NPLOC4: variants seen among roughly 807,000 people sequenced by gnomAD.
The protein encoded by NPLOC4 is NPL4 homolog, ubiquitin recognition factor, also known as nuclear protein localization protein 4 homolog.
In NPLOC4, 18 loss-of-function variants were observed where a neutral mutation model predicts 80.6. The observed-to-expected ratio is 0.22, with a 90% CI of 0.15 to 0.33. The LOEUF (loss-of-function observed/expected upper bound fraction) is 0.33. Ranked by LOEUF, NPLOC4 falls within the 10% of genes least tolerant of loss-of-function variation. NPLOC4 has a pLI of 1.00. For synonymous variants in NPLOC4, 313 were observed against 301.5 expected, an observed-to-expected ratio of 1.04 and a Z score of -0.39; for missense variants, 540 against 786.1, an observed-to-expected ratio of 0.69 and a Z score of 3.74.
rs1164029184 is a variant in NPLOC4, at chr17:81,572,172, T to TTTAA, written c.1282-88_1282-85dup. The TTTAA allele has an allele frequency of 1.5e-3, 860 of 590,060 alleles. No homozygotes were observed. The highest frequency in any genetic ancestry group is 8.5e-3 in the Middle Eastern group (26 of 3,066). 36.6% of individuals were successfully genotyped at this position (590,060 alleles called of 1,614,324 possible). ...TTTCACATGCTTGTCTCACCTTTTA[T>TTTAA]TTAATTAATTAATTTATTTATTTAT... is the stretch of plus-strand genomic sequence containing the variant. On this transcript the variant is annotated intron_variant, in intron 12 of 16. Coordinates refer to ENST00000331134, the MANE Select transcript of NPLOC4 (RefSeq NM_017921.4). This position sits in a 1 kb window ranked among gnomAD's most constrained non-coding sequence, Gnocchi z 4.5.
chr17:81,629,251 G>A (rs1171146231), intron 2 of NPLOC4, among the ~76,000 whole-genome samples: 1 of 142,156 alleles, frequency 7.0e-6, no homozygotes, highest in African/African-American at 2.7e-5. Flanking sequence ...GGAGTGCAGT[G>A]GCACCACCTC....
In NPLOC4 at chr17:81,559,430, G is replaced by A. The variant is rs1489696399; in HGVS notation, c.1670-14C>T. 3 of 1,605,248 alleles carry A rather than the reference G, an allele frequency of 1.9e-6. No homozygotes were observed. The highest frequency in any genetic ancestry group is 2.6e-6 in the Non-Finnish European group (3 of 1,175,936). ...CGCCAACTGTGCCTGCAGGGTGGAA[G>A]AGAAATGAGCACTCATCATTTCTGG... On this transcript the variant is annotated splice_polypyrimidine_tract_variant and intron_variant, in intron 16 of 16. Coordinates refer to ENST00000331134, the MANE Select transcript of NPLOC4 (RefSeq NM_017921.4).
At chr17:81,588,841 G>A (rs1242617902) in intron 12 of NPLOC4, 103 bp downstream of exon 12, 1 of 999,806 alleles carries the variant, frequency 1.0e-6, no homozygotes, top group Non-Finnish European at 1.5e-6. Flanking sequence ...AACCACAGCT[G>A]ACAAACGGCT....
At position 81,572,134 on chromosome 17, in the gene NPLOC4, G is replaced by A; in HGVS notation, c.1282-46C>T. ...CAGCGGTGAGCAAAGACGATCAGTA[G>A]TAATGATTTTCCTTTCACATGCTTG... On this transcript the variant is annotated intron_variant, in intron 12 of 16. Coordinates refer to ENST00000331134, the MANE Select transcript of NPLOC4 (RefSeq NM_017921.4). This position sits in a 1 kb window ranked among gnomAD's most constrained non-coding sequence, Gnocchi z 4.5. The A allele has an allele frequency of 7.9e-7, 1 of 1,263,618 alleles. No homozygotes were observed. The highest frequency in any genetic ancestry group is 2.1e-5 in the Admixed American group (1 of 46,922). 78.3% of individuals were successfully genotyped at this position (1,263,618 alleles called of 1,614,324 possible).
intron 12 of NPLOC4, among the ~76,000 whole-genome samples, chr17:81,576,794 T>C (rs1047004216): frequency 6.6e-6 from 1 of 152,138 alleles, no homozygotes; most frequent in Non-Finnish European, 1.5e-5. Context: ...GGAGACTCCC[T>C]GTGGTCAAAG....
At chr17:81,585,335 CA>C (rs2034549176) in intron 12 of NPLOC4, among the ~76,000 whole-genome samples, 2 of 151,954 alleles carry the variant, frequency 1.3e-5, no homozygotes, top group African/African-American at 4.8e-5. Flanking sequence ...CTTTTATTCC[CA>C]AAACTGTGCT....
At position 81,567,986 on chromosome 17, in the gene NPLOC4, G is replaced by T. The variant is rs1204450943; in HGVS notation, c.1450-453C>A. 2 of 156,214 alleles carry T rather than the reference G, an allele frequency of 1.3e-5. No individual in the cohort carries two copies. Among genetic ancestry groups the T allele is most frequent in the Non-Finnish European group, 2.7e-5 (2 of 73,280 alleles). 9.7% of individuals were successfully genotyped at this position (156,214 alleles called of 1,614,324 possible). ...CCCAGCTACTCAGGAGGCTGAAGCA[G>T]AAGAATCGCTTGAACCCAGGAGGTG... On this transcript the variant is annotated intron_variant, in intron 14 of 16. Transcript: ENST00000331134. This position sits in a 1 kb window ranked among gnomAD's most constrained non-coding sequence, Gnocchi z 4.5.
intron 16 of NPLOC4, 88 bp downstream of exon 16, chr17:81,565,417 G>A (rs1257563778): frequency 7.8e-6 from 9 of 1,148,498 alleles, no homozygotes; most frequent in African/African-American, 1.5e-5. Flanking sequence ...CGGAATCCAG[G>A]GCACCACCGG....
rs139840280 is a variant in NPLOC4, at chr17:81,565,056, G to A, written c.1669+449C>T. On this transcript the variant is annotated intron_variant, in intron 16 of 16. Coordinates refer to ENST00000331134, the MANE Select transcript of NPLOC4 (RefSeq NM_017921.4). ...GGTCCGGAAGACACGCAATGCCTGCGGTCCGTTCCGTAGTGTCCACCAGCA... is the reference window on the plus strand; with the variant it reads ...GGTCCGGAAGACACGCAATGCCTGCAGTCCGTTCCGTAGTGTCCACCAGCA... 2.3e-4 allele frequency: 119 copies of A among 514,216 alleles called. No individual in the cohort carries two copies. In the East Asian group the frequency reaches 3.8e-3, roughly 17 times the overall value. 31.9% of individuals were successfully genotyped at this position (514,216 alleles called of 1,614,324 possible). A position where few individuals can be genotyped will look rare whatever the true frequency, so the allele number is the denominator to read the frequency against.
intron 3 of NPLOC4, among the ~76,000 whole-genome samples, chr17:81,613,707 C>G (rs183991953): frequency 2.0e-5 from 3 of 152,280 alleles, no homozygotes; most frequent in African/African-American, 4.8e-5. Flanking sequence ...GTAATTTAAT[C>G]TCTTACAACT....
chr17:81,630,670 C>T (rs2144334997), intron 1 of NPLOC4, among the ~76,000 whole-genome samples: 1 of 151,780 alleles, frequency 6.6e-6, no homozygotes, highest in South Asian at 2.1e-4. Flanking sequence ...CACTTGAGCT[C>T]AGAAGTTCAA....
At chr17:81,596,318 A>G in intron 10 of NPLOC4, 76 bp from the exon 11 acceptor site, 1 of 1,511,636 alleles carries the variant, frequency 6.6e-7, no homozygotes, top group Non-Finnish European at 9.0e-7. Flanking sequence ...TTTAAAAAAT[A>G]AGAACTAAGC....
intron 12 of NPLOC4, among the ~76,000 whole-genome samples, chr17:81,586,220 G>A (rs574707446): frequency 3.9e-5 from 6 of 152,298 alleles, no homozygotes; most frequent in Non-Finnish European, 5.9e-5. Context: ...TGCAGGAAGT[G>A]AGTGCTGGGA....
At chr17:81,613,850 C>T (rs1295617270) in intron 3 of NPLOC4, among the ~76,000 whole-genome samples, 1 of 152,108 alleles carries the variant, frequency 6.6e-6, no homozygotes, top group Non-Finnish European at 1.5e-5. Flanking sequence ...CTCCCTCAGC[C>T]ATTCCTCTGG....
chr17:81,618,718 T>C (rs1205070069), intron 3 of NPLOC4, among the ~76,000 whole-genome samples: 2 of 151,478 alleles, frequency 1.3e-5, no homozygotes, highest in African/African-American at 2.4e-5. Flanking sequence ...CAACAGCTCA[T>C]TGAGAACGGG....
At chr17:81,598,580 G>C (rs2034983171) in intron 9 of NPLOC4, among the ~76,000 whole-genome samples, 1 of 152,208 alleles carries the variant, frequency 6.6e-6, no homozygotes, top group Non-Finnish European at 1.5e-5. Context: ...AGGCCGGAAG[G>C]AAGCATCTGA....
At position 81,608,307 on chromosome 17, in the gene NPLOC4, A is replaced by G. The variant is rs540189135; in HGVS notation, c.530+421T>C. 9.8e-5 allele frequency among the ~76,000 whole-genome samples: 15 copies of G among 152,360 alleles called. No individual in the cohort carries two copies. The East Asian group carries it at 2.9e-3, about 29-fold the overall frequency. Reference sequence around the variant, plus strand: ...CACAGAATCAACAGGCCACCATCACAGATGCTAACTTGCTGGGGTGGTGTG... The same window carrying G: ...CACAGAATCAACAGGCCACCATCACGGATGCTAACTTGCTGGGGTGGTGTG... On this transcript the variant is annotated intron_variant, in intron 6 of 16. Coordinates refer to ENST00000331134, the MANE Select transcript of NPLOC4 (RefSeq NM_017921.4).
chr17:81,599,253 CACTCCAGCCTGGGTGAAAGAGCAAG>C (rs2035003147), intron 9 of NPLOC4, among the ~76,000 whole-genome samples: 1 of 151,212 alleles, frequency 6.6e-6, no homozygotes, highest in Non-Finnish European at 1.5e-5. Context: ...CGTGCCACTG[CACTCCAGCCTGGGTGAAAGAGCAAG>C]ACTCCTCAAA....
At chr17:81,628,198 G>A (rs373700096) in intron 2 of NPLOC4, among the ~76,000 whole-genome samples, 22 of 149,698 alleles carry the variant, frequency 1.5e-4, no homozygotes, top group African/African-American at 4.2e-4. Context: ...GAGACAGAGC[G>A]AGACTCCCTC....
Sources: gnomAD v4.1 joint callset for allele counts (sites outside exome capture counted in the v4.1 genomes callset) on GRCh38, gnomAD v4.1.1 for gene constraint, Gnocchi (gnomAD v3.1) non-coding constraint, MANE v1.5 for transcripts, NCBI Gene and HGNC (gene_info 2026-07-23, HGNC 2026-07-21) for gene names.